Variants in DGKI observed in about 807,000 individuals in gnomAD.
The protein encoded by DGKI is diacylglycerol kinase iota, also known as DAG kinase iota.
In DGKI, 55 loss-of-function variants were observed where a neutral mutation model predicts 147.5. The ratio of observed to expected loss-of-function variants is 0.37; its 90% CI spans 0.30 to 0.47. The LOEUF is 0.47. Ranked by LOEUF, DGKI falls within the 20% of genes least tolerant of loss-of-function variation. The pLI is 1.00. For missense variants in DGKI, 1,007 were observed against 1,323.8 expected, an observed-to-expected ratio of 0.76 and a Z score of 3.71; for synonymous variants, 469 against 477.1, an observed-to-expected ratio of 0.98 and a Z score of 0.22.
intron 27 of DGKI, among the ~76,000 whole-genome samples, chr7:137,447,790 G>A (rs1813771622): frequency 6.6e-6 from 1 of 152,206 alleles, no homozygotes; most frequent in Non-Finnish European, 1.5e-5. Flanking sequence ...ATTCTGCAAT[G>A]AGCAGGCAGT....
intron 17 of DGKI, among the ~76,000 whole-genome samples, chr7:137,576,273 G>A (rs745390486): frequency 6.6e-6 from 1 of 151,802 alleles, no homozygotes; most frequent in African/African-American, 2.4e-5. Flanking sequence ...CCTGAGCTCA[G>A]GCAATCCAGC....
chr7:137,657,708 C>T (rs181397214), intron 3 of DGKI, among the ~76,000 whole-genome samples: 1 of 152,276 alleles, frequency 6.6e-6, no homozygotes, highest in East Asian at 1.9e-4. Flanking sequence ...GGCAACCTTC[C>T]CCTTCCGAGG....
intron 21 of DGKI, among the ~76,000 whole-genome samples, chr7:137,494,926 C>A (rs1157520606): frequency 6.6e-6 from 1 of 151,958 alleles, no homozygotes; most frequent in East Asian, 1.9e-4. Context: ...TTCAAGAGAC[C>A]CAGGTCACAT....
intron 1 of DGKI, among the ~76,000 whole-genome samples, chr7:137,755,966 G>C (rs187946798): frequency 1.2e-3 from 181 of 152,284 alleles, no homozygotes; most frequent in Non-Finnish European, 2.4e-3. Context: ...CTTGCAAAAG[G>C]TCAGTCATGG....
intron 28 of DGKI, among the ~76,000 whole-genome samples, chr7:137,420,362 T>G (rs550798706): frequency 6.6e-6 from 1 of 152,266 alleles, no homozygotes; most frequent in South Asian, 2.1e-4. Flanking sequence ...GATGAGTGTG[T>G]AGGTGGGAGA....
chr7:137,827,194 C>T (rs1798082605), intron 1 of DGKI, among the ~76,000 whole-genome samples: 1 of 152,116 alleles, frequency 6.6e-6, no homozygotes, highest in African/African-American at 2.4e-5. Flanking sequence ...ACTCTGGATG[C>T]AGGGTAACCA....
intron 19 of DGKI, among the ~76,000 whole-genome samples, chr7:137,552,829 C>T (rs1723123): frequency 0.11 from 16,445 of 151,486 alleles, 2,021 homozygotes; most frequent in African/African-American, 0.3. Context: ...GCAAGATAAT[C>T]GCTTGAACCT....
intron 1 of DGKI, among the ~76,000 whole-genome samples, chr7:137,718,199 TG>T (rs1794439231): frequency 6.6e-6 from 1 of 152,186 alleles, no homozygotes; most frequent in African/African-American, 2.4e-5. Context: ...GGACAGCATG[TG>T]GGAGGTTTCT....
In DGKI at chr7:137,543,742, T is replaced by A. The variant is rs74844017; in HGVS notation, c.2147+8627A>T. On this transcript the variant is annotated intron_variant, in intron 20 of 32. Transcript: ENST00000614521. ...TCTCACTTAACGATACTGGGGCTCC[T>A]AACTTCTACAGGACCAAAGCAATGT... Among the ~76,000 whole-genome samples the A allele has an allele frequency of 2.5e-4, 38 of 152,294 alleles. 1 individual carries two copies. In the East Asian group the frequency reaches 6.9e-3, roughly 28 times the overall value.
intron 30 of DGKI, among the ~76,000 whole-genome samples, chr7:137,403,592 G>A (rs905702516): frequency 5.3e-5 from 8 of 152,056 alleles, no homozygotes; most frequent in Non-Finnish European, 5.9e-5. Flanking sequence ...GTCAACTCAA[G>A]AGCCACAAAC....
At chr7:137,811,247 G>C (rs920243455) in intron 1 of DGKI, among the ~76,000 whole-genome samples, 3 of 152,008 alleles carry the variant, frequency 2.0e-5, no homozygotes, top group East Asian at 3.9e-4. Context: ...ATATTACACA[G>C]GAAGAGTTAT....
intron 6 of DGKI, among the ~76,000 whole-genome samples, chr7:137,632,182 G>A (rs575154891): frequency 3.3e-5 from 5 of 152,262 alleles, no homozygotes; most frequent in South Asian, 2.1e-4. Context: ...ATGGATTATC[G>A]GATAAAAGAG....
intron 1 of DGKI, among the ~76,000 whole-genome samples, chr7:137,838,496 G>GTT: frequency 6.7e-6 from 1 of 150,052 alleles, no homozygotes; most frequent in East Asian, 2.0e-4. Context: ...TTGCTTTCAA[G>GTT]TTTTTTTTTT....
At chr7:137,721,603 T>C (rs1169368577) in intron 1 of DGKI, among the ~76,000 whole-genome samples, 1 of 152,150 alleles carries the variant, frequency 6.6e-6, no homozygotes, top group Non-Finnish European at 1.5e-5. Context: ...GCCCATCCTC[T>C]CATCCTCTAC....
chr7:137,782,410 C>T (rs1001789350), intron 1 of DGKI, among the ~76,000 whole-genome samples: 2 of 152,086 alleles, frequency 1.3e-5, no homozygotes, highest in African/African-American at 2.4e-5. Context: ...GGCCTGGGAA[C>T]CACACCCCCA....
intron 20 of DGKI, among the ~76,000 whole-genome samples, chr7:137,544,975 G>C (rs527927623): frequency 6.6e-6 from 1 of 152,162 alleles, no homozygotes; most frequent in Non-Finnish European, 1.5e-5. Flanking sequence ...ATTCAAGTGG[G>C]CCTTGAGAAA....
intron 23 of DGKI, among the ~76,000 whole-genome samples, chr7:137,477,122 G>A (rs111770486): frequency 7.4e-4 from 113 of 152,248 alleles, no homozygotes; most frequent in Non-Finnish European, 1.4e-3. Context: ...GTAGCTCAGA[G>A]TTCCTGCCCC....
chr7:137,391,901 T>C (rs777008759), intron 32 of DGKI, among the ~76,000 whole-genome samples: 5 of 152,162 alleles, frequency 3.3e-5, no homozygotes, highest in African/African-American at 4.8e-5. Context: ...AGCTAGTTTC[T>C]CAATACAAAA....
At chr7:137,711,527 A>C (rs141473054) in intron 1 of DGKI, among the ~76,000 whole-genome samples, 9 of 152,240 alleles carry the variant, frequency 5.9e-5, no homozygotes, top group African/African-American at 2.2e-4. Context: ...TCATTTACAT[A>C]ACATTTTAAA....
Sources: gnomAD v4.1 joint callset for allele counts (sites outside exome capture counted in the v4.1 genomes callset) on GRCh38, gnomAD v4.1.1 for gene constraint, MANE v1.5 for transcripts, NCBI Gene and HGNC (gene_info 2026-07-23, HGNC 2026-07-21) for gene names.